Variants in NAT10 observed in about 807,000 individuals in gnomAD.
NAT10 encodes N-acetyltransferase 10.
In NAT10, 109 loss-of-function variants were observed where a neutral mutation model predicts 132.2. That is an observed-to-expected ratio of 0.82 (90% confidence interval 0.71 to 0.97). The LOEUF is 0.97. Ranked by LOEUF, NAT10 falls within the 50% of genes least tolerant of loss-of-function variation. The pLI is 0.00. For synonymous variants in NAT10, 479 were observed against 478.0 expected (o/e 1.00, Z -0.03); for missense variants, 1,184 against 1,263.4 (o/e 0.94, Z 0.95).
At chr11:34,123,717 A>T in intron 9 of NAT10, 45 bp from the exon 10 acceptor site, 1 of 1,360,660 alleles carries the variant, frequency 7.3e-7, no homozygotes, top group Non-Finnish European at 1.0e-6. Flanking sequence ...TTTCTTTAAG[A>T]TGTTCCTAAT....
intron 4 of NAT10, among the ~76,000 whole-genome samples, chr11:34,113,005 T>C (rs1051817205): frequency 6.6e-6 from 1 of 152,254 alleles, no homozygotes; most frequent in African/African-American, 2.4e-5. Flanking sequence ...TTGTCTCCTA[T>C]ACTGCTGGCT....
intron 4 of NAT10, among the ~76,000 whole-genome samples, chr11:34,112,467 A>G (rs1851712505): frequency 1.3e-5 from 2 of 152,270 alleles, no homozygotes; most frequent in Non-Finnish European, 2.9e-5. Flanking sequence ...ATGAGTTATT[A>G]TAACGGGTTC....
chr11:34,129,531 C>T (rs902680605), intron 12 of NAT10, among the ~76,000 whole-genome samples: 1 of 150,812 alleles, frequency 6.6e-6, no homozygotes, highest in Non-Finnish European at 1.5e-5. Flanking sequence ...ATACCAGGTC[C>T]CTTTTCAGAT....
intron 9 of NAT10, 112 bp from the exon 10 acceptor site, chr11:34,123,650 C>T: frequency 2.7e-6 from 2 of 743,840 alleles, no homozygotes; most frequent in Non-Finnish European, 4.3e-6. Context: ...CTTGCTGTTA[C>T]CTCTGGTTAT....
At chr11:34,139,021 G>A in intron 21 of NAT10, 170 bp from the exon 22 acceptor site, 1 of 598,158 alleles carries the variant, frequency 1.7e-6, no homozygotes, top group South Asian at 2.0e-5. Context: ...GTGATATGAG[G>A]AAGGTGAAGG....
chr11:34,108,127 G>C, intron 1 of NAT10, 84 bp from the exon 2 acceptor site: 1 of 870,656 alleles, frequency 1.1e-6, no homozygotes, highest in Non-Finnish European at 1.9e-6. Context: ...GCCTAGCACA[G>C]TCCCAGGCCC....
intron 11 of NAT10, among the ~76,000 whole-genome samples, chr11:34,125,649 T>C (rs540969005): frequency 4.6e-4 from 70 of 152,288 alleles, no homozygotes; most frequent in African/African-American, 1.7e-3. Flanking sequence ...CTGTTGAGGA[T>C]GTACATTCTG....
intron 12 of NAT10, among the ~76,000 whole-genome samples, chr11:34,128,124 G>T (rs1276066722): frequency 6.6e-6 from 1 of 152,058 alleles, no homozygotes; most frequent in Non-Finnish European, 1.5e-5. Flanking sequence ...GGGAGGCCGA[G>T]GCAGGCGGAT....
At chr11:34,142,567 A>G (rs1164847354) in intron 27 of NAT10, among the ~76,000 whole-genome samples, 4 of 152,112 alleles carry the variant, frequency 2.6e-5, no homozygotes, top group South Asian at 2.1e-4. Context: ...TGACTTACAC[A>G]TTGCACTCTC....
chr11:34,126,123 C>G (rs1195516218), intron 11 of NAT10, among the ~76,000 whole-genome samples: 1 of 152,224 alleles, frequency 6.6e-6, no homozygotes, highest in African/African-American at 2.4e-5. Flanking sequence ...GCACCCAACA[C>G]TCAGGTTTAA....
intron 21 of NAT10, among the ~76,000 whole-genome samples, chr11:34,137,378 G>A (rs369501424): frequency 6.6e-6 from 1 of 152,224 alleles, no homozygotes. Context: ...TGCTGTCGGA[G>A]ATGGGACTCA....
At chr11:34,134,073 A>C (rs1469933241) in intron 16 of NAT10, among the ~76,000 whole-genome samples, 3 of 152,058 alleles carry the variant, frequency 2.0e-5, no homozygotes, top group African/African-American at 7.2e-5. Context: ...CTGAGGCAGG[A>C]AAATGGCATG....
At chr11:34,109,807 C>A (rs201393853) in intron 3 of NAT10, among the ~76,000 whole-genome samples, 1 of 152,204 alleles carries the variant, frequency 6.6e-6, no homozygotes, top group East Asian at 1.9e-4. Context: ...CTCAGTGTAT[C>A]TGCTCTATGC....
intron 12 of NAT10, among the ~76,000 whole-genome samples, chr11:34,128,462 T>C (rs1253441815): frequency 2.0e-5 from 3 of 152,374 alleles, no homozygotes; most frequent in Middle Eastern, 3.4e-3. Context: ...ATTTTACTTT[T>C]TTCATTTGAA....
chr11:34,118,418 A>T lies in NAT10; in HGVS notation c.695A>T (p.Asp232Val), dbSNP rs138465328. The change falls in exon 8 of 29, where the codon GAT becomes GTT. Residue 232 changes from aspartate (D) to valine (V), a missense_variant. Transcript: ENST00000257829. ...QTPDESLGPS[D>V]LELRELKESL... ...TAGGATGAGAGTCTTGGTCCTTCTG[A>T]TCTGGAGCTGAGGGAGTTGAAGGAG... 26 of 1,613,888 alleles carry T rather than the reference A, an allele frequency of 1.6e-5. No individual in the cohort carries two copies. The African/African-American group carries it at 3.2e-4, about 20-fold the overall frequency.
chr11:34,131,339 A>G, intron 13 of NAT10, 42 bp from the exon 14 acceptor site: 1 of 1,573,016 alleles, frequency 6.4e-7, no homozygotes, highest in Non-Finnish European at 8.6e-7. Flanking sequence ...ATACATATTT[A>G]ATCATTGTTT....
At position 34,115,864 on chromosome 11, in the gene NAT10, G is replaced by A; in HGVS notation, c.537G>A (p.Val179=). The A allele has an allele frequency of 1.2e-6, 2 of 1,614,094 alleles. No individual in the cohort carries two copies. The highest frequency in any genetic ancestry group is 1.7e-6 in the Non-Finnish European group (2 of 1,179,982). Reference sequence around the variant, plus strand: ...ACAGAACTGAGGCCCATCAGGATGTGGTGGGAAGATTTAATGAAAGGTAAT... The same window carrying A: ...ACAGAACTGAGGCCCATCAGGATGTAGTGGGAAGATTTAATGAAAGGTAAT... The part of the protein sequence containing the change: ...SRYRTEAHQD[V]VGRFNERFIL... The change falls in exon 6 of 29, where the codon GTG becomes GTA. Residue 179 remains valine, a synonymous_variant. Transcript: ENST00000257829.
chr11:34,142,358 G>T lies in NAT10; in HGVS notation c.2885+10G>T. The T allele has an allele frequency of 1.2e-6, 2 of 1,613,570 alleles. No homozygotes were observed. Among genetic ancestry groups the T allele is most frequent in the South Asian group, 1.1e-5 (1 of 91,064 alleles). On this transcript the variant is annotated intron_variant, in intron 27 of 28. Coordinates refer to ENST00000257829, the MANE Select transcript of NAT10 (RefSeq NM_024662.3). ...GCATGGACCTCTCTGAGTAAGGCTTGTGGGAAGCAGAGGGTTTGCCTTGGC... is the reference window on the plus strand; with the variant it reads ...GCATGGACCTCTCTGAGTAAGGCTTTTGGGAAGCAGAGGGTTTGCCTTGGC...
chr11:34,144,412 A>AT (rs2132986234), intron 28 of NAT10, among the ~76,000 whole-genome samples: 1 of 152,334 alleles, frequency 6.6e-6, no homozygotes, highest in South Asian at 2.1e-4. Flanking sequence ...ATTGTTTTAC[A>AT]TTTACATTTT....
Sources: allele counts gnomAD v4.1 joint callset (sites outside exome capture counted in the v4.1 genomes callset), GRCh38; gene constraint gnomAD v4.1.1; transcripts MANE v1.5; gene names NCBI Gene and HGNC (gene_info 2026-07-23, HGNC 2026-07-21).